ALDH9A1: variants seen among roughly 807,000 people sequenced by gnomAD.
ALDH9A1 encodes the protein 4-trimethylaminobutyraldehyde dehydrogenase.
A neutral mutation model predicts 56.6 loss-of-function variants in ALDH9A1; 42 were observed. The observed-to-expected ratio is 0.74, with a 90% CI of 0.58 to 0.96. ALDH9A1 has a LOEUF of 0.96. Among genes scored for constraint, ALDH9A1 ranks in the 40% least tolerant of loss-of-function variants. The pLI, the probability that ALDH9A1 is intolerant of heterozygous loss-of-function variation, is 0.00. For synonymous variants in ALDH9A1, 242 were observed against 236.0 expected, an observed-to-expected ratio of 1.03 and a Z score of -0.23; for missense variants, 661 against 651.5, an observed-to-expected ratio of 1.01 and a Z score of -0.16.
Position 165,681,360 on chromosome 1 carries a change from T to G in ALDH9A1, c.593-677A>C, listed in dbSNP as rs150198915. On this transcript the variant is annotated intron_variant, in intron 4 of 10. Transcript: ENST00000354775. ...AGCTCCATTTTATAAAAGTTGACAT[T>G]GAAGACCAGAATGGTTCACTTGATG... Among the ~76,000 whole-genome samples the G allele has an allele frequency of 1.8e-3, 272 of 152,290 alleles. 1 individual carries two copies. Among genetic ancestry groups the G allele is most frequent in the African/African-American group, 5.6e-3 (234 of 41,566 alleles).
chr1:165,695,032 C>G (rs1650025184), intron 2 of ALDH9A1, among the ~76,000 whole-genome samples: 1 of 151,708 alleles, frequency 6.6e-6, no homozygotes, highest in African/African-American at 2.4e-5. Flanking sequence ...CAAAGCTTTA[C>G]AAACATGAAA....
chr1:165,697,503 C>A (rs1473040060), intron 1 of ALDH9A1, among the ~76,000 whole-genome samples: 1 of 152,232 alleles, frequency 6.6e-6, no homozygotes, highest in African/African-American at 2.4e-5. Context: ...GAAGAAAGTA[C>A]TGAATAAAGG....
intron 2 of ALDH9A1, among the ~76,000 whole-genome samples, chr1:165,692,231 G>C (rs868152935): frequency 5.3e-5 from 8 of 152,236 alleles, no homozygotes; most frequent in Middle Eastern, 3.4e-3. Flanking sequence ...CAATCAGGCA[G>C]GAGAAAAAAA....
chr1:165,666,855 TATA>T (rs1339709925), intron 9 of ALDH9A1, among the ~76,000 whole-genome samples: 1 of 152,326 alleles, frequency 6.6e-6, no homozygotes, highest in East Asian at 1.9e-4. Context: ...ATCATATTAC[TATA>T]ATATTTAAAA....
chr1:165,690,462 G>A (rs964505206), intron 2 of ALDH9A1, among the ~76,000 whole-genome samples: 7 of 152,086 alleles, frequency 4.6e-5, no homozygotes, highest in Non-Finnish European at 1.0e-4. Context: ...CAAGATGGCC[G>A]AATAGGAGCA....
At chr1:165,671,818 T>G in intron 6 of ALDH9A1, 1 of 224,834 alleles carries the variant, frequency 4.4e-6, no homozygotes, top group South Asian at 5.4e-5. Context: ...AGAGAGGGAT[T>G]TGGCAATATC....
At chr1:165,692,295 GATTGT>G (rs1461984399) in intron 2 of ALDH9A1, among the ~76,000 whole-genome samples, 1 of 152,190 alleles carries the variant, frequency 6.6e-6, no homozygotes, top group East Asian at 1.9e-4. Context: ...CAGATGACAT[GATTGT>G]ATATTTAGAA....
intron 9 of ALDH9A1, among the ~76,000 whole-genome samples, chr1:165,665,539 T>C (rs1648980874): frequency 6.6e-6 from 1 of 152,092 alleles, no homozygotes; most frequent in South Asian, 2.1e-4. Context: ...GAGGAATAAA[T>C]CTTCATGACC....
At chr1:165,664,900 C>A in intron 10 of ALDH9A1, 118 bp downstream of exon 10, 1 of 764,396 alleles carries the variant, frequency 1.3e-6, no homozygotes, top group Non-Finnish European at 2.2e-6. Context: ...GACCAGGAAC[C>A]TGTATTTCCC....
intron 4 of ALDH9A1, among the ~76,000 whole-genome samples, chr1:165,681,587 C>CT: frequency 6.6e-6 from 1 of 152,214 alleles, no homozygotes; most frequent in East Asian, 1.9e-4. Context: ...AATTAGTCTT[C>CT]TTTCCTCAAA....
At chr1:165,677,693 C>T (rs1029295022) in intron 6 of ALDH9A1, among the ~76,000 whole-genome samples, 7 of 151,860 alleles carry the variant, frequency 4.6e-5, no homozygotes, top group East Asian at 1.9e-4. Flanking sequence ...CTCATCTCTA[C>T]TAAAAACACA....
At chr1:165,698,122 G>C in intron 1 of ALDH9A1, 1 of 975,216 alleles carries the variant, frequency 1.0e-6, no homozygotes, top group Middle Eastern at 3.5e-4. Context: ...TGCGAACTCT[G>C]TTCTGGCCCG....
At chr1:165,690,766 C>G (rs547150157) in intron 2 of ALDH9A1, among the ~76,000 whole-genome samples, 17 of 152,304 alleles carry the variant, frequency 1.1e-4, no homozygotes, top group South Asian at 8.3e-4. Context: ...ACTGCTATAA[C>G]AGCAGTCCAA....
At position 165,663,080 on chromosome 1, in the gene ALDH9A1, C is replaced by T. The variant is rs746498979; in HGVS notation, c.1527G>A (p.Val509=). The T allele has an allele frequency of 1.2e-6, 2 of 1,613,880 alleles. No homozygotes were observed. The highest frequency in any genetic ancestry group is 3.3e-5 in the Admixed American group (2 of 60,000). ...EYYSQLKTVC[V]EMGDVESAF ...AAGCAGATTCCACATCACCCATCTC[C>T]ACACACACAGTCTTCAGCTGTGAAT... The change falls in exon 11 of 11, where the codon GTG becomes GTA. Residue 509 remains valine, a synonymous_variant. Coordinates refer to ENST00000354775, the MANE Select transcript of ALDH9A1 (RefSeq NM_000696.4).
Position 165,682,954 on chromosome 1 carries a change from G to A in ALDH9A1, c.457+27C>T, listed in dbSNP as rs373858704. The A allele has an allele frequency of 1.2e-5, 19 of 1,608,982 alleles. No individual in the cohort carries two copies. The African/African-American group carries it at 1.7e-4, about 15-fold the overall frequency. On this transcript the variant is annotated intron_variant, in intron 3 of 10. Coordinates refer to ENST00000354775, the MANE Select transcript of ALDH9A1 (RefSeq NM_000696.4). ...CTGCTCTTCTGCCTCATTATCAGCT[G>A]GTCACAGACACCAGGTGAGGACTTA...
At chr1:165,669,843 A>G (rs1649122406) in intron 6 of ALDH9A1, among the ~76,000 whole-genome samples, 1 of 152,192 alleles carries the variant, frequency 6.6e-6, no homozygotes, top group African/African-American at 2.4e-5. Context: ...CTTAAATCTA[A>G]TTGTTAAAAA....
At chr1:165,683,243 G>A (rs1387689276) in intron 2 of ALDH9A1, 133 bp from the exon 3 acceptor site, 3 of 965,300 alleles carry the variant, frequency 3.1e-6, no homozygotes, top group African/African-American at 3.3e-5. Flanking sequence ...AGAAATGGCA[G>A]TGTTACATTT....
chr1:165,692,001 T>C (rs952764391), intron 2 of ALDH9A1, among the ~76,000 whole-genome samples: 1 of 152,176 alleles, frequency 6.6e-6, no homozygotes, highest in Non-Finnish European at 1.5e-5. Flanking sequence ...AGAAAAGGCC[T>C]TCGACAAATT....
At position 165,665,065 on chromosome 1, in the gene ALDH9A1, T is replaced by C. The variant is rs112689633; in HGVS notation, c.1415A>G (p.Tyr472Cys). 1.1e-3 allele frequency: 1,808 copies of C among 1,614,048 alleles called. 3 individuals carry two copies. The highest frequency in any genetic ancestry group is 1.5e-3 in the South Asian group (141 of 91,074). ...LQAGTCFINN[Y>C]NVSPVELPFG... ...GGGCAACTCCACTGGGCTGACGTTA[T>C]AGTTGTTAATGAAGCACGTCCCAGC... Residue 472 changes from tyrosine to cysteine, a missense_variant, in exon 10 of 11, where the codon TAT becomes TGT. Tyr to Cys is a radical substitution (Grantham distance 194). Transcript: ENST00000354775.
Sources: gnomAD v4.1 joint callset for allele counts (sites outside exome capture counted in the v4.1 genomes callset) on GRCh38, gnomAD v4.1.1 for gene constraint, MANE v1.5 for transcripts, NCBI Gene and HGNC (gene_info 2026-07-23, HGNC 2026-07-21) for gene names.